The following SLC43A2 variants were observed in gnomAD, a reference collection of about 807,000 sequenced individuals.
SLC43A2 encodes large neutral amino acids transporter small subunit 4.
A neutral mutation model predicts 63.2 loss-of-function variants in SLC43A2; 38 were observed. The ratio of observed to expected loss-of-function variants is 0.60; its 90% CI spans 0.46 to 0.79. The LOEUF (loss-of-function observed/expected upper bound fraction) is 0.79. Among genes scored for constraint, SLC43A2 ranks in the 30% least tolerant of loss-of-function variants. SLC43A2 has a pLI of 0.00. For synonymous variants in SLC43A2, 322 were observed against 331.0 expected (o/e 0.97, Z 0.30); for missense variants, 644 against 756.2 (o/e 0.85, Z 1.74).
At chr17:1,610,987 C>A (rs1907045755) in intron 5 of SLC43A2, among the ~76,000 whole-genome samples, 1 of 151,766 alleles carries the variant, frequency 6.6e-6, no homozygotes, top group Non-Finnish European at 1.5e-5. Context: ...ATTCCAGGGA[C>A]CCACCACTGT....
rs562927599 is a variant in SLC43A2 at position 1,596,970 on chromosome 17, A to G, written c.502-3691T>C. On this transcript the variant is annotated intron_variant, in intron 5 of 13. Coordinates refer to ENST00000301335, the MANE Select transcript of SLC43A2 (RefSeq NM_152346.3). ...GGTGGCTCACGCCTGTCATCCCAGC[A>G]CTTTGGGAGGCCGAAGCGGGCGGAT... Among the ~76,000 whole-genome samples, 205 of 152,266 alleles carry G rather than the reference A, an allele frequency of 1.3e-3. 1 individual carries two copies. Among genetic ancestry groups the G allele is most frequent in the African/African-American group, 4.9e-3 (202 of 41,552 alleles).
intron 2 of SLC43A2, among the ~76,000 whole-genome samples, chr17:1,620,601 C>T (rs752255614): frequency 2.6e-5 from 4 of 152,072 alleles, no homozygotes; most frequent in Non-Finnish European, 5.9e-5. Flanking sequence ...CGGCCGCCTG[C>T]CTCCAGGCCG....
chr17:1,604,024 G>T (rs1237260419), intron 5 of SLC43A2, among the ~76,000 whole-genome samples: 1 of 152,058 alleles, frequency 6.6e-6, no homozygotes, highest in African/African-American at 2.4e-5. Context: ...TTCAACTAGA[G>T]GTTTATTTTT....
At chr17:1,621,160 C>T (rs762856334) in intron 2 of SLC43A2, among the ~76,000 whole-genome samples, 2 of 152,164 alleles carry the variant, frequency 1.3e-5, no homozygotes, top group African/African-American at 4.8e-5. Flanking sequence ...TCACAGAAGA[C>T]GCACAAGATC....
chr17:1,583,164 GCCCCACCTC>G lies in SLC43A2; in HGVS notation c.1350+31_1350+39del, dbSNP rs763324877. 1.9e-6 allele frequency: 3 copies of G among 1,599,112 alleles called. No homozygotes were observed. Among genetic ancestry groups the G allele is most frequent in the Middle Eastern group, 1.7e-4 (1 of 6,018 alleles). On this transcript the variant is annotated intron_variant, in intron 11 of 13. Coordinates refer to ENST00000301335, the MANE Select transcript of SLC43A2 (RefSeq NM_152346.3). This position sits in a 1 kb window ranked among gnomAD's most constrained non-coding sequence, Gnocchi z 5.5. The stretch of plus-strand genomic sequence containing the variant: ...GAGTCTTTACATGTTCCTTCTGACT[GCCCCACCTC>G]CCACCTGCCCCTCCCACTCCCCACA...
upstream of SLC43A2, chr17:1,628,929 C>G (rs2151087955): frequency 6.6e-6 from 1 of 152,200 alleles, no homozygotes; most frequent in Non-Finnish European, 1.5e-5. Flanking sequence ...CAGGCGTCGA[C>G]CAATCAGCAG....
chr17:1,611,044 C>T (rs1482592008), intron 5 of SLC43A2, among the ~76,000 whole-genome samples: 1 of 151,860 alleles, frequency 6.6e-6, no homozygotes, highest in African/African-American at 2.4e-5. Context: ...GTTTCACTAT[C>T]TTGGGCCAGG....
chr17:1,586,928 T>TGGGCCCCC, intron 9 of SLC43A2: 37 of 1,232,834 alleles, frequency 3.0e-5, no homozygotes, highest in Non-Finnish European at 3.9e-5. Flanking sequence ...TCCCTGACAA[T>TGGGCCCCC]CCCCCCCACC....
At chr17:1,586,928 T>TGGGCCCCCCC in intron 9 of SLC43A2, 394 of 1,231,000 alleles carry the variant, frequency 3.2e-4, no homozygotes, top group Non-Finnish European at 4.1e-4. Context: ...TCCCTGACAA[T>TGGGCCCCCCC]CCCCCCCACC....
intron 2 of SLC43A2, among the ~76,000 whole-genome samples, chr17:1,620,108 T>C (rs1376544948): frequency 6.6e-6 from 1 of 152,160 alleles, no homozygotes; most frequent in Non-Finnish European, 1.5e-5. Flanking sequence ...CTCACGCCTG[T>C]AATCCCAGCA....
intron 5 of SLC43A2, among the ~76,000 whole-genome samples, chr17:1,598,841 G>A (rs908872713): frequency 1.3e-5 from 2 of 152,164 alleles, no homozygotes; most frequent in Non-Finnish European, 2.9e-5. Context: ...CCTCAGGCCT[G>A]GACAGGGCAG....
chr17:1,610,892 G>A (rs1907033140), intron 5 of SLC43A2, among the ~76,000 whole-genome samples: 1 of 150,198 alleles, frequency 6.7e-6, no homozygotes, highest in African/African-American at 2.5e-5. Flanking sequence ...CCAGGCTGGA[G>A]TTCAGTGGCG....
rs2075889978 is a variant in SLC43A2 at position 1,574,429 on chromosome 17, T to G, written c.*1175A>C. On this transcript the variant is annotated 3_prime_UTR_variant, in exon 14 of 14. Transcript: ENST00000301335. ...ACCCGGAGGAAAATGGATTTATTGC[T>G]TTATAAAAAAGAAGTCTAATAAAAC... 6.5e-6 allele frequency: 1 copy of G among 152,678 alleles called. No individual in the cohort carries two copies. The highest frequency in any genetic ancestry group is 2.4e-5 in the African/African-American group (1 of 41,472). 9.5% of individuals were successfully genotyped at this position (152,678 alleles called of 1,614,324 possible). A position where few individuals can be genotyped will look rare whatever the true frequency, so the allele number is the denominator to read the frequency against.
chr17:1,604,632 C>T, intron 5 of SLC43A2: 1 of 1,212,436 alleles, frequency 8.2e-7, no homozygotes, highest in Non-Finnish European at 1.2e-6. Flanking sequence ...CCTCAGCCTC[C>T]TGAGCAGCTG....
At chr17:1,609,242 C>G (rs1004747571) in intron 5 of SLC43A2, among the ~76,000 whole-genome samples, 1 of 152,192 alleles carries the variant, frequency 6.6e-6, no homozygotes, top group African/African-American at 2.4e-5. Flanking sequence ...TCACTCGTCG[C>G]CCAGGCCGGA....
Position 1,569,413 on chromosome 17 carries a change from C to T in SLC43A2, c.*6191G>A, listed in dbSNP as rs933651063. Reference sequence around the variant, plus strand: ...GGGTACGGATTAACCCTTCAGGCTCCCTTCCGAGGGCCTGGGCGGGGTCTT... The same window carrying T: ...GGGTACGGATTAACCCTTCAGGCTCTCTTCCGAGGGCCTGGGCGGGGTCTT... On this transcript the variant is annotated 3_prime_UTR_variant, in exon 14 of 14. Transcript: ENST00000301335. The T allele has an allele frequency of 3.9e-5, 6 of 152,340 alleles. No homozygotes were observed. The highest frequency in any genetic ancestry group is 3.3e-4 in the Admixed American group (5 of 15,294). 9.4% of individuals were successfully genotyped at this position (152,340 alleles called of 1,614,324 possible).
chr17:1,585,393 C>T (rs966366127), intron 10 of SLC43A2: 4 of 365,790 alleles, frequency 1.1e-5, no homozygotes, highest in African/African-American at 2.1e-5. Context: ...AGGCGCGCGC[C>T]GCCACCGCAC....
At chr17:1,618,483 C>T (rs764078230) in intron 2 of SLC43A2, among the ~76,000 whole-genome samples, 7 of 152,180 alleles carry the variant, frequency 4.6e-5, no homozygotes, top group South Asian at 2.1e-4. Flanking sequence ...GAGGCTCCGG[C>T]GGGGAATCAC....
intron 2 of SLC43A2, among the ~76,000 whole-genome samples, chr17:1,622,281 C>T (rs373091197): frequency 2.0e-5 from 3 of 152,312 alleles, no homozygotes; most frequent in South Asian, 2.1e-4. Context: ...GAAAGCTATC[C>T]GGCTGGGCGC....
Sources: allele counts gnomAD v4.1 joint callset (sites outside exome capture counted in the v4.1 genomes callset), GRCh38; gene constraint gnomAD v4.1.1; non-coding constraint Gnocchi (gnomAD v3.1); transcripts MANE v1.5; gene names NCBI Gene and HGNC (gene_info 2026-07-23, HGNC 2026-07-21).